The following RORA variants were observed in gnomAD, a reference collection of about 807,000 sequenced individuals.
RORA encodes nuclear receptor ROR-alpha.
In RORA, 7 loss-of-function variants were observed where a neutral mutation model predicts 69.5. The ratio of observed to expected loss-of-function variants is 0.10; its 90% CI spans 0.06 to 0.19. RORA has a LOEUF of 0.19. RORA is among the 10% of genes least tolerant of loss of function. RORA has a pLI of 1.00. For missense variants in RORA, 457 were observed against 663.0 expected (o/e 0.69, Z 3.41); for synonymous variants, 261 against 240.8 (o/e 1.08, Z -0.78).
At chr15:61,149,284 G>T (rs1309516837) in intron 1 of RORA, among the ~76,000 whole-genome samples, 3 of 152,088 alleles carry the variant, frequency 2.0e-5, no homozygotes, top group Non-Finnish European at 4.4e-5. Flanking sequence ...CTCTTTCCAT[G>T]TCTCTGTGCC....
intron 1 of RORA, among the ~76,000 whole-genome samples, chr15:60,958,972 C>T (rs1349523172): frequency 1.3e-5 from 2 of 152,198 alleles, no homozygotes; most frequent in East Asian, 3.9e-4. Context: ...GCAACCAACT[C>T]TCTGCCAACA....
At chr15:60,946,877 G>A (rs1350043201) in intron 1 of RORA, among the ~76,000 whole-genome samples, 10 of 151,352 alleles carry the variant, frequency 6.6e-5, no homozygotes, top group South Asian at 2.1e-4. Context: ...CCTCTGCCCC[G>A]CCGCCCCGTC....
At position 61,226,090 on chromosome 15, in the gene RORA, TC is replaced by T. The variant is rs1373572743; in HGVS notation, c.166+2962del. On this transcript the variant is annotated intron_variant, in intron 1 of 10. Coordinates refer to ENST00000335670, the MANE Select transcript of RORA (RefSeq NM_134261.3). The surrounding 1 kb of genome is among the most constrained non-coding windows in gnomAD (Gnocchi z 4.2). Reference sequence around the variant, plus strand: ...GTACACAGTGCATCCACACTTGGATTCCCAAGAGGGAGGAATTCAACAGTAG... The same window carrying T: ...GTACACAGTGCATCCACACTTGGATTCCAAGAGGGAGGAATTCAACAGTAG... Among the ~76,000 whole-genome samples the T allele has an allele frequency of 6.6e-6, 1 of 152,214 alleles. No homozygotes were observed. The highest frequency in any genetic ancestry group is 1.5e-5 in the Non-Finnish European group (1 of 68,034).
chr15:61,149,469 GAC>G (rs3053989), intron 1 of RORA, among the ~76,000 whole-genome samples: 74,291 of 151,842 alleles, frequency 0.49, 19,429 homozygotes, highest in Non-Finnish European at 0.59. Context: ...CGGTTAAGAA[GAC>G]ACTATTCTCT....
intron 1 of RORA, among the ~76,000 whole-genome samples, chr15:60,943,287 C>T (rs145948927): frequency 0.01 from 1,541 of 151,868 alleles, 34 homozygotes; most frequent in African/African-American, 0.036. Context: ...GGGGTTTAAC[C>T]TCTCACATGT....
intron 1 of RORA, among the ~76,000 whole-genome samples, chr15:61,075,012 G>A (rs1160139878): frequency 6.6e-6 from 1 of 151,834 alleles, no homozygotes; most frequent in Admixed American, 6.6e-5. Flanking sequence ...ACTTGAACCC[G>A]GGAGGCGGAG....
chr15:60,813,169 T>C (rs1354301645), intron 1 of RORA, among the ~76,000 whole-genome samples: 1 of 152,102 alleles, frequency 6.6e-6, no homozygotes, highest in Non-Finnish European at 1.5e-5. Flanking sequence ...TCCATTTACA[T>C]CCCATTTGCC....
chr15:60,942,679 A>G (rs1892736126), intron 1 of RORA, among the ~76,000 whole-genome samples: 1 of 152,224 alleles, frequency 6.6e-6, no homozygotes, highest in Admixed American at 6.5e-5. Context: ...ATGCATATAC[A>G]TACAAACATG....
intron 3 of RORA, among the ~76,000 whole-genome samples, chr15:60,515,273 A>T (rs1439376329): frequency 6.6e-6 from 1 of 152,186 alleles, no homozygotes; most frequent in Non-Finnish European, 1.5e-5. Context: ...TCACTCCCCA[A>T]GTCTGAATCT....
chr15:61,038,295 A>G (rs376115661), intron 1 of RORA, among the ~76,000 whole-genome samples: 21 of 152,220 alleles, frequency 1.4e-4, no homozygotes, highest in African/African-American at 5.1e-4. Flanking sequence ...CTTCTTATAT[A>G]TGGTTGCCTC....
chr15:60,540,629 G>T (rs1424480600), intron 2 of RORA, among the ~76,000 whole-genome samples: 2 of 144,258 alleles, frequency 1.4e-5, no homozygotes, highest in South Asian at 4.3e-4. Flanking sequence ...TGCAGAAATG[G>T]GTCAAAATAA....
chr15:60,786,005 G>C (rs974966332), intron 1 of RORA, among the ~76,000 whole-genome samples: 3 of 152,182 alleles, frequency 2.0e-5, no homozygotes, highest in Admixed American at 6.5e-5. Context: ...CTAAATGAAT[G>C]GAATGAATGG....
At chr15:61,099,288 T>A (rs1057109469) in intron 1 of RORA, among the ~76,000 whole-genome samples, 7 of 152,198 alleles carry the variant, frequency 4.6e-5, no homozygotes, top group African/African-American at 1.7e-4. Flanking sequence ...AATTCAGTAA[T>A]GAGGTTCCGG....
chr15:60,923,113 C>G (rs1358903860), intron 1 of RORA, among the ~76,000 whole-genome samples: 1 of 152,180 alleles, frequency 6.6e-6, no homozygotes, highest in Non-Finnish European at 1.5e-5. Context: ...CAGCACTGCC[C>G]AAAGAAGCTG....
At chr15:61,227,210 C>CAAAAA (rs35827262) in intron 1 of RORA, among the ~76,000 whole-genome samples, 12 of 124,058 alleles carry the variant, frequency 9.7e-5, no homozygotes, top group East Asian at 2.4e-4. Context: ...CCCCCCATTC[C>CAAAAA]AAAAAAAAAA....
Position 61,176,665 on chromosome 15 carries a change from T to A in RORA, c.166+52388A>T, listed in dbSNP as rs138391219. ...TTAAAAACATGCTTACTAAGCCATA[T>A]GAACATGGGCAAGCTGCAGTTTCTT... On this transcript the variant is annotated intron_variant, in intron 1 of 10. Coordinates refer to ENST00000335670, the MANE Select transcript of RORA (RefSeq NM_134261.3). Among the ~76,000 whole-genome samples, 116 of 152,284 alleles carry A rather than the reference T, an allele frequency of 7.6e-4. 1 individual carries two copies. The highest frequency in any genetic ancestry group is 1.5e-3 in the African/African-American group (63 of 41,556).
intron 1 of RORA, among the ~76,000 whole-genome samples, chr15:60,763,481 C>T (rs2071931232): frequency 6.6e-6 from 1 of 152,112 alleles, no homozygotes; most frequent in Non-Finnish European, 1.5e-5. Flanking sequence ...GGAGGTTACA[C>T]AGCATGTTAA....
At chr15:60,705,659 T>C (rs2071051367) in intron 1 of RORA, among the ~76,000 whole-genome samples, 1 of 152,158 alleles carries the variant, frequency 6.6e-6, no homozygotes, top group East Asian at 1.9e-4. Flanking sequence ...GAAGTTATGG[T>C]TAGAATTAGA....
At chr15:60,567,317 A>T (rs1314454560) in intron 2 of RORA, among the ~76,000 whole-genome samples, 1 of 151,676 alleles carries the variant, frequency 6.6e-6, no homozygotes, top group African/African-American at 2.4e-5. Flanking sequence ...TACCTGCCAC[A>T]CTCACACCAC....
Sources: allele counts gnomAD v4.1 joint callset (sites outside exome capture counted in the v4.1 genomes callset), GRCh38; gene constraint gnomAD v4.1.1; non-coding constraint Gnocchi (gnomAD v3.1); transcripts MANE v1.5; gene names NCBI Gene and HGNC (gene_info 2026-07-23, HGNC 2026-07-21).